ZWILCH: variants seen among roughly 807,000 people sequenced by gnomAD.
The protein encoded by ZWILCH is zwilch kinetochore protein.
A neutral mutation model predicts 79.9 loss-of-function variants in ZWILCH; 74 were observed. The ratio of observed to expected loss-of-function variants is 0.93; its 90% confidence interval spans 0.77 to 1.12. ZWILCH has a LOEUF of 1.12. Among genes scored for constraint, ZWILCH ranks in the 50% most tolerant of loss-of-function variants. ZWILCH has a pLI of 0.00. For missense variants in ZWILCH, 694 were observed against 687.5 expected, an observed-to-expected ratio of 1.01 and a Z score of -0.11; for synonymous variants, 241 against 228.2, an observed-to-expected ratio of 1.06 and a Z score of -0.51.
intron 3 of ZWILCH, among the ~76,000 whole-genome samples, chr15:66,515,138 A>T (rs1270906694): frequency 6.6e-6 from 1 of 150,720 alleles, no homozygotes; most frequent in Non-Finnish European, 1.5e-5. Context: ...TTTGGTAGTC[A>T]CAGGTCTCCC....
intron 17 of ZWILCH, among the ~76,000 whole-genome samples, chr15:66,541,746 A>G (rs747243431): frequency 2.0e-5 from 3 of 152,230 alleles, no homozygotes; most frequent in Non-Finnish European, 4.4e-5. Flanking sequence ...TGGGTCTTAA[A>G]TGCCTTCATT....
chr15:66,515,739 A>T, intron 4 of ZWILCH, 95 bp downstream of exon 4: 1 of 794,638 alleles, frequency 1.3e-6, no homozygotes, highest in Non-Finnish European at 2.2e-6. Flanking sequence ...TAGCCCTTAT[A>T]TCTTCCTTCA....
In ZWILCH at chr15:66,523,764, G is replaced by A; in HGVS notation, c.819+16G>A. ...ATTTCTTCTTGTGAGTATCCTTCTA[G>A]AATTCCTTTCCTTAAATCTATGTTT... On this transcript the variant is annotated intron_variant, in intron 8 of 18. Transcript: ENST00000307897. 1 of 1,576,484 alleles carries A rather than the reference G, an allele frequency of 6.3e-7. No homozygotes were observed. The highest frequency in any genetic ancestry group is 8.7e-7 in the Non-Finnish European group (1 of 1,149,494).
In ZWILCH at chr15:66,546,706, G is replaced by A; in HGVS notation, c.*26+1G>A. The stretch of plus-strand genomic sequence containing the variant: ...GTGTGCTGATGAAGTCCTCTATAAG[G>A]TATTTATGTTCACATTTTAGTCTCT... On this transcript the variant is annotated splice_donor_variant, in intron 18 of 18. Coordinates refer to ENST00000307897, the MANE Select transcript of ZWILCH (RefSeq NM_017975.5). LOFTEE classifies it low-confidence loss of function (3UTR_SPLICE). 1 of 1,505,624 alleles carries A rather than the reference G, an allele frequency of 6.6e-7. No individual in the cohort carries two copies. The highest frequency in any genetic ancestry group is 9.0e-7 in the Non-Finnish European group (1 of 1,107,346). The allele number at this position is 1,505,624 out of a possible 1,614,324, so 93.3% of individuals were successfully genotyped here.
At chr15:66,517,726 C>CT (rs1161719182) in intron 4 of ZWILCH, among the ~76,000 whole-genome samples, 4,548 of 58,326 alleles carry the variant, frequency 0.078, 1,043 homozygotes, top group African/African-American at 0.09. Flanking sequence ...CTTTTCTTTC[C>CT]TTTTTTTTTT....
intron 5 of ZWILCH, among the ~76,000 whole-genome samples, chr15:66,519,383 C>A (rs1400267236): frequency 1.3e-5 from 2 of 152,276 alleles, no homozygotes; most frequent in Non-Finnish European, 2.9e-5. Flanking sequence ...AATATGTTTC[C>A]AATCGTAGAC....
intron 2 of ZWILCH, among the ~76,000 whole-genome samples, chr15:66,512,714 TCTC>T (rs1040399585): frequency 6.6e-6 from 1 of 152,136 alleles, no homozygotes; most frequent in African/African-American, 2.4e-5. Flanking sequence ...TTCAGGCAAT[TCTC>T]CTGGCTTAGC....
At chr15:66,522,732 G>A (rs1267905045) in intron 7 of ZWILCH, among the ~76,000 whole-genome samples, 5 of 152,214 alleles carry the variant, frequency 3.3e-5, no homozygotes, top group Non-Finnish European at 7.3e-5. Flanking sequence ...AATTATTTAT[G>A]TAGTGCGATC....
rs530573006 is a variant in ZWILCH at position 66,512,293 on chromosome 15, C to G, written c.106-1695C>G. 2.8e-3 allele frequency among the ~76,000 whole-genome samples: 432 copies of G among 152,226 alleles called. 4 individuals are homozygous for G. Among genetic ancestry groups the G allele is most frequent in the African/African-American group, 0.01 (419 of 41,536 alleles). On this transcript the variant is annotated intron_variant, in intron 2 of 18. Coordinates refer to ENST00000307897, the MANE Select transcript of ZWILCH (RefSeq NM_017975.5). ...TTTTTTAAAGAGATGGGGTCTTACT[C>G]TGTTGCCCAGGCTGAAGTTCAGTAG...
rs988388457 is a variant in ZWILCH, at chr15:66,535,829, G to A, written c.1342-104G>A. On this transcript the variant is annotated intron_variant, in intron 14 of 18. Coordinates refer to ENST00000307897, the MANE Select transcript of ZWILCH (RefSeq NM_017975.5). ...CTGGTCTTTTTTTTTTTTAATGCCT[G>A]TTATCAAGCATCCAAATGTAGGTGT... 13 of 911,918 alleles carry A rather than the reference G, an allele frequency of 1.4e-5. No homozygotes were observed. The East Asian group carries it at 1.4e-4, about 10-fold the overall frequency. 56.5% of individuals were successfully genotyped at this position (911,918 alleles called of 1,614,324 possible). A position where few individuals can be genotyped will look rare whatever the true frequency, so the allele number is the denominator to read the frequency against.
intron 17 of ZWILCH, 147 bp downstream of exon 17, chr15:66,540,357 GC>G: frequency 1.8e-6 from 1 of 559,602 alleles, no homozygotes. Flanking sequence ...TTTGAGACCA[GC>G]CTGGCCAACA....
chr15:66,532,403 G>A lies in ZWILCH; in HGVS notation c.1312G>A (p.Gly438Ser). The change falls in exon 13 of 19, where the codon GGT becomes AGT. Residue 438 changes from glycine to serine, a missense_variant and splice_region_variant. Physicochemically the swap from Gly to Ser is moderately conservative, Grantham distance 56 (BLOSUM62 0). Coordinates refer to ENST00000307897, the MANE Select transcript of ZWILCH (RefSeq NM_017975.5). ...GAAAGATTATATCAGTTTTTTCATA[G>A]GTAAGTATCTTTCCTGGCTCAAAAA... ...LKKDYISFFI[G>S]QELASLNHLE... is the part of the protein sequence containing the mutation. 6.3e-7 allele frequency: 1 copy of A among 1,598,156 alleles called. No individual in the cohort carries two copies. Among genetic ancestry groups the A allele is most frequent in the South Asian group, 1.1e-5 (1 of 87,950 alleles).
chr15:66,545,559 G>A (rs1331983684), intron 17 of ZWILCH, among the ~76,000 whole-genome samples: 1 of 152,108 alleles, frequency 6.6e-6, no homozygotes, highest in African/African-American at 2.4e-5. Flanking sequence ...TAGTGCATTG[G>A]TCCAGTGACT....
At chr15:66,512,295 G>C (rs993353614) in intron 2 of ZWILCH, among the ~76,000 whole-genome samples, 4 of 152,186 alleles carry the variant, frequency 2.6e-5, no homozygotes, top group South Asian at 2.1e-4. Flanking sequence ...GTCTTACTCT[G>C]TTGCCCAGGC....
intron 4 of ZWILCH, among the ~76,000 whole-genome samples, chr15:66,517,267 CTT>C (rs1274264865): frequency 4.0e-5 from 6 of 151,174 alleles, no homozygotes; most frequent in South Asian, 2.1e-4. Context: ...TTTTCTCTCT[CTT>C]GTGTCTCTTT....
chr15:66,537,406 A>C, intron 16 of ZWILCH, 143 bp downstream of exon 16: 1 of 536,422 alleles, frequency 1.9e-6, no homozygotes, highest in Non-Finnish European at 3.3e-6. Flanking sequence ...AAAAAATAAT[A>C]ATAGCTGGGC....
chr15:66,527,545 TCTAAGTAATC>T (rs1894714505), intron 9 of ZWILCH, among the ~76,000 whole-genome samples, 162 bp downstream of exon 9: 2 of 152,190 alleles, frequency 1.3e-5, no homozygotes, highest in South Asian at 4.1e-4. Flanking sequence ...ATGGTAGAGA[TCTAAGTAATC>T]CTAAGAATTA....
rs570371849 is a variant in ZWILCH at position 66,537,093 on chromosome 15, G to A, written c.1479-75G>A. Reference sequence around the variant, plus strand: ...GTACTCAATAAAATGTTTCCCTTACGAGCTTTAGACTACCAGAAAAACGTT... The same window carrying A: ...GTACTCAATAAAATGTTTCCCTTACAAGCTTTAGACTACCAGAAAAACGTT... On this transcript the variant is annotated intron_variant, in intron 15 of 18. Coordinates refer to ENST00000307897, the MANE Select transcript of ZWILCH (RefSeq NM_017975.5). The A allele has an allele frequency of 4.8e-5, 53 of 1,111,896 alleles. No homozygotes were observed. In the African/African-American group the frequency reaches 7.5e-4, roughly 16 times the overall value. 68.9% of individuals were successfully genotyped at this position (1,111,896 alleles called of 1,614,324 possible).
intron 7 of ZWILCH, among the ~76,000 whole-genome samples, chr15:66,521,769 G>A (rs1030338165): frequency 2.6e-5 from 4 of 151,988 alleles, no homozygotes; most frequent in Admixed American, 6.6e-5. Flanking sequence ...GGCTCACGCC[G>A]GGATTATAGG....
Sources: allele counts gnomAD v4.1 joint callset (sites outside exome capture counted in the v4.1 genomes callset), GRCh38; gene constraint gnomAD v4.1.1; transcripts MANE v1.5; gene names NCBI Gene and HGNC (gene_info 2026-07-23, HGNC 2026-07-21).